The following KCNH8 variants were observed in gnomAD, a reference collection of about 807,000 sequenced individuals.
KCNH8 encodes the protein potassium voltage-gated channel subfamily H member 8.
In KCNH8, 70 loss-of-function variants were observed where a neutral mutation model predicts 103.6. The ratio of observed to expected loss-of-function variants is 0.68; its 90% CI spans 0.56 to 0.82. The LOEUF (loss-of-function observed/expected upper bound fraction) is 0.82, where lower values mean the gene tolerates loss of function less well. KCNH8 is among the 40% of genes least tolerant of loss of function. The probability of loss-of-function intolerance (pLI) is 0.00; values close to 1 mark genes in which losing one functional copy is unlikely to be tolerated. For synonymous variants in KCNH8, 498 were observed against 489.4 expected (o/e 1.02, Z -0.23); for missense variants, 1,217 against 1,329.9 (o/e 0.92, Z 1.32).
chr3:19,397,906 C>T (rs916699865), intron 7 of KCNH8, among the ~76,000 whole-genome samples: 1 of 151,774 alleles, frequency 6.6e-6, no homozygotes, highest in Admixed American at 6.6e-5. Flanking sequence ...CATGACCTTC[C>T]CTACCTAACT....
chr3:19,328,852 T>C (rs1189467611), intron 3 of KCNH8, among the ~76,000 whole-genome samples: 1 of 152,196 alleles, frequency 6.6e-6, no homozygotes, highest in African/African-American at 2.4e-5. Flanking sequence ...TTGCTATGGA[T>C]ACAATATGCA....
intron 5 of KCNH8, among the ~76,000 whole-genome samples, chr3:19,362,296 G>A (rs2065957605): frequency 6.6e-6 from 1 of 152,060 alleles, no homozygotes; most frequent in African/African-American, 2.4e-5. Context: ...TTTTAAAAAT[G>A]TGTTAAACAT....
intron 4 of KCNH8, among the ~76,000 whole-genome samples, chr3:19,346,045 A>C (rs1421560777): frequency 6.6e-6 from 1 of 152,064 alleles, no homozygotes; most frequent in African/African-American, 2.4e-5. Flanking sequence ...GTAAAATTTT[A>C]ATTTCTGTAA....
intron 5 of KCNH8, among the ~76,000 whole-genome samples, chr3:19,370,563 CTAAGA>C (rs1164753727): frequency 7.2e-5 from 11 of 151,896 alleles, no homozygotes; most frequent in African/African-American, 1.2e-4. Flanking sequence ...TATTACTAAG[CTAAGA>C]TAATTTTAAA....
intron 7 of KCNH8, among the ~76,000 whole-genome samples, chr3:19,417,681 A>G (rs2066884393): frequency 6.6e-6 from 1 of 152,030 alleles, no homozygotes; most frequent in Admixed American, 6.6e-5. Flanking sequence ...TTTTTTTCTA[A>G]CTGCTACTTT....
chr3:19,491,682 T>C (rs1379571447), intron 11 of KCNH8, among the ~76,000 whole-genome samples: 1 of 152,224 alleles, frequency 6.6e-6, no homozygotes, highest in Non-Finnish European at 1.5e-5. Flanking sequence ...TGTAGTGATC[T>C]ATTTTCCTTT....
chr3:19,477,536 C>T (rs933990039), intron 11 of KCNH8, among the ~76,000 whole-genome samples: 2 of 151,556 alleles, frequency 1.3e-5, no homozygotes, highest in African/African-American at 4.8e-5. Flanking sequence ...TGCTTTCTCT[C>T]TGGAGAAATG....
At chr3:19,165,191 G>A in intron 1 of KCNH8, among the ~76,000 whole-genome samples, 1 of 152,194 alleles carries the variant, frequency 6.6e-6, no homozygotes, top group Non-Finnish European at 1.5e-5. Flanking sequence ...TTCTGGGGTG[G>A]AAGAGAGAAG....
intron 15 of KCNH8, 46 bp from the exon 16 acceptor site, chr3:19,533,349 C>T: frequency 8.2e-7 from 1 of 1,215,810 alleles, no homozygotes; most frequent in Non-Finnish European, 1.2e-6. Context: ...GTGGTCACTA[C>T]TATGCACCTC....
chr3:19,315,221 AT>A (rs2065257946), intron 3 of KCNH8, among the ~76,000 whole-genome samples: 1 of 151,976 alleles, frequency 6.6e-6, no homozygotes, highest in African/African-American at 2.4e-5. Context: ...GGTAAAGAAA[AT>A]GAAGGTTCTA....
intron 1 of KCNH8, among the ~76,000 whole-genome samples, chr3:19,231,249 T>C (rs2063991492): frequency 6.6e-6 from 1 of 152,160 alleles, no homozygotes; most frequent in African/African-American, 2.4e-5. Context: ...TAAAATGTAC[T>C]ATGTTTTCCT....
rs757618566 is a variant in KCNH8 at position 19,510,408 on chromosome 3, C to T, written c.2079+7C>T. ...CAAATCTATGGTCTCACAGGTATGG[C>T]TTTTGCTACACAGCAAAATATTTAT... On this transcript the variant is annotated splice_region_variant and intron_variant, in intron 12 of 15. Coordinates refer to ENST00000328405, the MANE Select transcript of KCNH8 (RefSeq NM_144633.3). 1.9e-6 allele frequency: 3 copies of T among 1,541,306 alleles called. No homozygotes were observed. The highest frequency in any genetic ancestry group is 2.2e-5 in the South Asian group (2 of 89,590).
At chr3:19,384,647 T>A (rs571046213) in intron 5 of KCNH8, among the ~76,000 whole-genome samples, 74 of 152,204 alleles carry the variant, frequency 4.9e-4, no homozygotes, top group African/African-American at 1.2e-3. Context: ...GGCAAAAAAA[T>A]TTTAAATTTT....
chr3:19,280,946 A>G (rs2064748679), intron 2 of KCNH8, among the ~76,000 whole-genome samples: 1 of 152,110 alleles, frequency 6.6e-6, no homozygotes, highest in African/African-American at 2.4e-5. Flanking sequence ...GTAAGCAGAA[A>G]TGTCTCAGCA....
At chr3:19,511,652 C>G (rs147605848) in intron 12 of KCNH8, among the ~76,000 whole-genome samples, 2 of 152,010 alleles carry the variant, frequency 1.3e-5, no homozygotes, top group East Asian at 3.9e-4. Context: ...CTGTGAAAAA[C>G]AAACAAGAGT....
chr3:19,171,939 A>G (rs2063352986), intron 1 of KCNH8, among the ~76,000 whole-genome samples: 2 of 152,260 alleles, frequency 1.3e-5, no homozygotes, highest in African/African-American at 4.8e-5. Context: ...CGGTGTTTGC[A>G]CTCATTGTGT....
intron 6 of KCNH8, 139 bp downstream of exon 6, chr3:19,390,777 T>C: frequency 1.4e-6 from 1 of 714,450 alleles, no homozygotes; most frequent in Non-Finnish European, 2.2e-6. Flanking sequence ...CCCAGTGATA[T>C]GCAGGCCAGA....
chr3:19,180,761 T>C (rs1487454094), intron 1 of KCNH8, among the ~76,000 whole-genome samples: 4 of 152,194 alleles, frequency 2.6e-5, no homozygotes, highest in Non-Finnish European at 4.4e-5. Flanking sequence ...TTTGATAGGC[T>C]ATGAGGATAT....
At position 19,234,771 on chromosome 3, in the gene KCNH8, A is replaced by G. The variant is rs550414552; in HGVS notation, c.77-18883A>G. ...GCAGAGGAGGCGCGGAGAGCGAGAG[A>G]GGGCCGTGAGCACTGCCAGCACGCT... On this transcript the variant is annotated intron_variant, in intron 1 of 15. Coordinates refer to ENST00000328405, the MANE Select transcript of KCNH8 (RefSeq NM_144633.3). 1.7e-4 allele frequency among the ~76,000 whole-genome samples: 26 copies of G among 152,356 alleles called. No individual in the cohort carries two copies. In the East Asian group the frequency reaches 5.0e-3, roughly 29 times the overall value.
Sources: allele counts gnomAD v4.1 joint callset (sites outside exome capture counted in the v4.1 genomes callset), GRCh38; gene constraint gnomAD v4.1.1; transcripts MANE v1.5; gene names NCBI Gene and HGNC (gene_info 2026-07-23, HGNC 2026-07-21).